The following KIF26B variants were observed in gnomAD, a reference collection of about 807,000 sequenced individuals.
KIF26B encodes kinesin-like protein KIF26B.
In KIF26B, 63 loss-of-function variants were observed where a neutral mutation model predicts 151.2. That is an observed-to-expected ratio of 0.42 (90% CI 0.34 to 0.51). KIF26B has a LOEUF of 0.51. Ranked by LOEUF, KIF26B falls within the 20% of genes least tolerant of loss-of-function variation. KIF26B has a pLI of 0.07. For missense variants in KIF26B, 2,813 were observed against 2,913.6 expected (o/e 0.97, Z 0.79); for synonymous variants, 1,357 against 1,262.1 (o/e 1.08, Z -1.59).
chr1:245,181,012 C>G (rs969590109), intron 2 of KIF26B, among the ~76,000 whole-genome samples: 7 of 152,138 alleles, frequency 4.6e-5, no homozygotes, highest in Non-Finnish European at 7.3e-5. Flanking sequence ...CAGTCTGTGA[C>G]AGACCCTGTC....
rs199607002 is a variant in KIF26B at position 245,304,651 on chromosome 1, ATCTGCCTG to A, written c.466-62164_466-62157del. Among the ~76,000 whole-genome samples the A allele has an allele frequency of 8.4e-3, 1,275 of 151,728 alleles. 16 individuals are homozygous for A. Among genetic ancestry groups the A allele is most frequent in the African/African-American group, 0.029 (1,186 of 41,432 alleles). On this transcript the variant is annotated intron_variant, in intron 2 of 14. Transcript: ENST00000407071. Reference sequence around the variant, plus strand: ...CTTTCTTTTATCTGTCTATCTATCCATCTGCCTGTCTGCCTGTCTGCCTGTCCATCCAT... The same window carrying A: ...CTTTCTTTTATCTGTCTATCTATCCATCTGCCTGTCTGCCTGTCCATCCAT...
chr1:245,590,879 G>T (rs2043280783), intron 5 of KIF26B, among the ~76,000 whole-genome samples: 1 of 146,710 alleles, frequency 6.8e-6, no homozygotes, highest in African/African-American at 2.6e-5. Flanking sequence ...GTGCACTCCA[G>T]CCTGGGTGAC....
chr1:245,620,602 A>G (rs1194027860), intron 9 of KIF26B, among the ~76,000 whole-genome samples: 1 of 152,020 alleles, frequency 6.6e-6, no homozygotes, highest in Non-Finnish European at 1.5e-5. Flanking sequence ...GGGTTTCACC[A>G]TTTTGCCCAG....
chr1:245,676,513 T>C (rs2044358881), intron 10 of KIF26B: 1 of 152,260 alleles, frequency 6.6e-6, no homozygotes, highest in South Asian at 2.1e-4. Context: ...ATATATTTCT[T>C]CTAAAAGATT....
intron 2 of KIF26B, among the ~76,000 whole-genome samples, chr1:245,268,192 T>A (rs1342103657): frequency 6.6e-6 from 1 of 151,678 alleles, no homozygotes; most frequent in Non-Finnish European, 1.5e-5. Context: ...ATAACAGGCC[T>A]GGCGCGGTGG....
intron 10 of KIF26B, among the ~76,000 whole-genome samples, chr1:245,681,494 C>T (rs1463829798): frequency 6.6e-6 from 1 of 152,138 alleles, no homozygotes; most frequent in Non-Finnish European, 1.5e-5. Flanking sequence ...CAGGCATGAG[C>T]CACCGCGCCC....
intron 2 of KIF26B, among the ~76,000 whole-genome samples, chr1:245,271,850 C>T (rs1670861247): frequency 6.6e-6 from 1 of 152,080 alleles, no homozygotes; most frequent in African/African-American, 2.4e-5. Flanking sequence ...TTTGTTATCA[C>T]TATAATGCTA....
chr1:245,394,688 CTTTT>C (rs900497785), intron 3 of KIF26B, among the ~76,000 whole-genome samples: 3 of 123,176 alleles, frequency 2.4e-5, no homozygotes, highest in Admixed American at 8.3e-5. Context: ...TTTTTTCTTT[CTTTT>C]TTTTTTTTTT....
chr1:245,443,918 C>A (rs534745864), intron 4 of KIF26B, among the ~76,000 whole-genome samples: 1 of 127,284 alleles, frequency 7.9e-6, no homozygotes, highest in Non-Finnish European at 1.6e-5. Context: ...GTTCACCCTG[C>A]GGTCATCTCC....
At chr1:245,290,206 AATGG>A (rs1671233464) in intron 2 of KIF26B, among the ~76,000 whole-genome samples, 1 of 134,420 alleles carries the variant, frequency 7.4e-6, no homozygotes, top group Non-Finnish European at 1.6e-5. Context: ...TGAATGAATG[AATGG>A]AAGTAGTGTC....
chr1:245,576,253 G>A (rs140133586), intron 5 of KIF26B, among the ~76,000 whole-genome samples: 83 of 152,286 alleles, frequency 5.5e-4, no homozygotes, highest in African/African-American at 1.7e-3. Context: ...TTACCGGGAC[G>A]CAGCGTTCCC....
chr1:245,270,015 A>T (rs12723998), intron 2 of KIF26B, among the ~76,000 whole-genome samples: 3 of 151,812 alleles, frequency 2.0e-5, no homozygotes, highest in Admixed American at 2.0e-4. Context: ...TTCTGAGGAA[A>T]CTCCATTCTG....
At chr1:245,476,080 G>A (rs933917261) in intron 4 of KIF26B, among the ~76,000 whole-genome samples, 1 of 151,882 alleles carries the variant, frequency 6.6e-6, no homozygotes, top group African/African-American at 2.4e-5. Context: ...GCCACAAAAA[G>A]GAATAAAGTG....
chr1:245,616,046 G>A (rs566834458), intron 9 of KIF26B, among the ~76,000 whole-genome samples: 23 of 152,268 alleles, frequency 1.5e-4, no homozygotes, highest in African/African-American at 4.3e-4. Flanking sequence ...CTCTGTGTGC[G>A]CCTCTGAATC....
chr1:245,317,410 G>T (rs907140335), intron 2 of KIF26B, among the ~76,000 whole-genome samples: 1 of 152,182 alleles, frequency 6.6e-6, no homozygotes, highest in Non-Finnish European at 1.5e-5. Flanking sequence ...CTAAGCTTGA[G>T]GCCAGAGCTG....
chr1:245,429,786 G>C (rs1223854567), intron 4 of KIF26B, among the ~76,000 whole-genome samples: 1 of 152,066 alleles, frequency 6.6e-6, no homozygotes, highest in Admixed American at 6.5e-5. Flanking sequence ...GCTAATTTTT[G>C]TATTTTTTAG....
intron 9 of KIF26B, among the ~76,000 whole-genome samples, chr1:245,628,598 C>T (rs188166531): frequency 0.012 from 1,805 of 152,242 alleles, 12 homozygotes; most frequent in Non-Finnish European, 0.02. Context: ...ATTGATGGAA[C>T]GTTTCTCAAA....
chr1:245,266,553 C>G (rs6693688), intron 2 of KIF26B, among the ~76,000 whole-genome samples: 2 of 151,512 alleles, frequency 1.3e-5, no homozygotes, highest in Admixed American at 6.6e-5. Context: ...CTGTCACCCA[C>G]GCGGAGTGCA....
intron 9 of KIF26B, among the ~76,000 whole-genome samples, chr1:245,626,015 T>G (rs2043720387): frequency 6.6e-6 from 1 of 152,206 alleles, no homozygotes. Flanking sequence ...TATTCCATTG[T>G]GTATATAGAG....
Sources: gnomAD v4.1 joint callset for allele counts (sites outside exome capture counted in the v4.1 genomes callset) on GRCh38, gnomAD v4.1.1 for gene constraint, MANE v1.5 for transcripts, NCBI Gene and HGNC (gene_info 2026-07-23, HGNC 2026-07-21) for gene names.